Variants in SCN7A observed in about 807,000 individuals in gnomAD.
The protein encoded by SCN7A is sodium channel protein type 7 subunit alpha.
A neutral mutation model predicts 155.2 loss-of-function variants in SCN7A; 138 were observed. That is an observed-to-expected ratio of 0.89 (90% CI 0.77 to 1.02). SCN7A has a LOEUF of 1.02. Ranked by LOEUF, SCN7A falls within the 50% of genes least tolerant of loss-of-function variation. The probability of loss-of-function intolerance (pLI) is 0.00; values close to 1 mark genes in which losing one functional copy is unlikely to be tolerated. For missense variants in SCN7A, 2,058 were observed against 1,986.6 expected, an observed-to-expected ratio of 1.04 and a Z score of -0.68; for synonymous variants, 693 against 649.0, an observed-to-expected ratio of 1.07 and a Z score of -1.03.
intron 7 of SCN7A, among the ~76,000 whole-genome samples, chr2:166,467,911 T>C (rs550991127): frequency 2.6e-4 from 40 of 151,954 alleles, no homozygotes; most frequent in Non-Finnish European, 4.4e-4. Context: ...TTTATTTCTA[T>C]ATTCTCCTTA....
intron 21 of SCN7A, among the ~76,000 whole-genome samples, chr2:166,414,273 TATATATATATATACACACAC>T (rs763808188): frequency 0.29 from 15,259 of 52,674 alleles, 2,438 homozygotes; most frequent in Middle Eastern, 0.41. Flanking sequence ...TACACACACA[TATATATATATATACACACAC>T]ATATATATAT....
Position 166,406,588 on chromosome 2 carries a change from C to A in SCN7A, c.4041G>T (p.Leu1347=), listed in dbSNP as rs1433132902. 1.2e-6 allele frequency: 2 copies of A among 1,612,122 alleles called. No homozygotes were observed. The highest frequency in any genetic ancestry group is 1.3e-5 in the African/African-American group (1 of 74,810). ...SYLVPPSLVQ[L]ILLSRIIHML... ...TGTGAATGATCCGTGAGAGAAGTAT[C>A]AGTTGCACAAGTGAAGGAGGCACAA... The change falls in exon 26 of 26, where the codon CTG becomes CTT. Residue 1347 remains leucine, a synonymous_variant. Coordinates refer to ENST00000643258, the MANE Select transcript of SCN7A (RefSeq NM_002976.4).
chr2:166,450,619 C>A (rs1702157410), intron 11 of SCN7A, among the ~76,000 whole-genome samples: 1 of 151,988 alleles, frequency 6.6e-6, no homozygotes, highest in Non-Finnish European at 1.5e-5. Flanking sequence ...CATGGTGAAA[C>A]CCCGTCTCTA....
chr2:166,450,180 G>A (rs79447127), intron 11 of SCN7A, among the ~76,000 whole-genome samples: 4 of 152,138 alleles, frequency 2.6e-5, no homozygotes, highest in African/African-American at 2.4e-5. Context: ...GACGCAGCTG[G>A]AGTCCATTAT....
At chr2:166,415,409 C>T (rs576021298) in intron 21 of SCN7A, among the ~76,000 whole-genome samples, 3 of 151,768 alleles carry the variant, frequency 2.0e-5, no homozygotes, top group African/African-American at 7.2e-5. Context: ...ATTTTCAGTA[C>T]AGATGGGGTT....
intron 15 of SCN7A, among the ~76,000 whole-genome samples, chr2:166,439,089 T>G (rs1042928070): frequency 3.5e-5 from 4 of 115,132 alleles, no homozygotes; most frequent in African/African-American, 3.8e-5. Context: ...AGCCTCAGTA[T>G]TTCTGCTTCT....
At chr2:166,435,731 G>C (rs1701825707) in intron 15 of SCN7A, among the ~76,000 whole-genome samples, 1 of 152,008 alleles carries the variant, frequency 6.6e-6, no homozygotes, top group African/African-American at 2.4e-5. Context: ...TAACATATGT[G>C]TCTATGATCA....
intron 23 of SCN7A, among the ~76,000 whole-genome samples, chr2:166,411,966 G>A (rs1346395521): frequency 2.0e-5 from 3 of 152,118 alleles, no homozygotes; most frequent in African/African-American, 7.2e-5. Flanking sequence ...AGTCCTTTGC[G>A]TTTGTGGAGG....
chr2:166,449,008 ATAAT>A (rs938970291), intron 11 of SCN7A, among the ~76,000 whole-genome samples: 2 of 152,176 alleles, frequency 1.3e-5, no homozygotes, highest in African/African-American at 4.8e-5. Context: ...ATTCTGTAAG[ATAAT>A]TACTTATTTT....
At chr2:166,477,940 C>G (rs902447985) in intron 2 of SCN7A, among the ~76,000 whole-genome samples, 1 of 151,850 alleles carries the variant, frequency 6.6e-6, no homozygotes, top group Non-Finnish European at 1.5e-5. Context: ...TTTTAACATT[C>G]TTTTACTGAA....
Position 166,413,981 on chromosome 2 carries a change from G to GTGTGTGTA in SCN7A, c.3415-861_3415-860insTACACACA, listed in dbSNP as rs1553513525. ...CCCCTTTATATATATATGTGTATGTGTATATATATATATATATATATAAAT... is the reference window on the plus strand; with the variant it reads ...CCCCTTTATATATATATGTGTATGTGTGTGTGTATATATATATATATATATATATAAAT... On this transcript the variant is annotated intron_variant, in intron 21 of 25. Coordinates refer to ENST00000643258, the MANE Select transcript of SCN7A (RefSeq NM_002976.4). 3.6e-3 allele frequency among the ~76,000 whole-genome samples: 193 copies of GTGTGTGTA among 53,504 alleles called. 9 individuals are homozygous for GTGTGTGTA. In the East Asian group the frequency reaches 0.072, roughly 20 times the overall value. 35.1% of individuals were successfully genotyped at this position (53,504 alleles called of 152,430 possible). A position where few individuals can be genotyped will look rare whatever the true frequency, so the allele number is the denominator to read the frequency against.
In SCN7A at chr2:166,484,457, ACT is replaced by A. The variant is rs548868138; in HGVS notation, c.-15+2397_-15+2398del. 4.7e-3 allele frequency among the ~76,000 whole-genome samples: 716 copies of A among 151,900 alleles called. 5 individuals carry two copies. Among genetic ancestry groups the A allele is most frequent in the African/African-American group, 0.016 (679 of 41,506 alleles). The stretch of plus-strand genomic sequence containing the variant: ...TTATATAAATATATAAATAGCTGAA[ACT>A]CAGAGAAATAAAAGGATTATGTGTA... On this transcript the variant is annotated intron_variant, in intron 2 of 25. Coordinates refer to ENST00000643258, the MANE Select transcript of SCN7A (RefSeq NM_002976.4).
At chr2:166,483,649 A>C (rs750568761) in intron 2 of SCN7A, among the ~76,000 whole-genome samples, 5 of 151,840 alleles carry the variant, frequency 3.3e-5, no homozygotes, top group Non-Finnish European at 7.4e-5. Flanking sequence ...ATTTATCTTT[A>C]ATAATTTAAA....
intron 1 of SCN7A, among the ~76,000 whole-genome samples, chr2:166,487,359 A>C (rs887052976): frequency 2.3e-4 from 35 of 152,260 alleles, no homozygotes; most frequent in African/African-American, 7.9e-4. Context: ...TAGATAATGA[A>C]GGATGGGGAA....
At chr2:166,462,190 A>C in intron 10 of SCN7A, 199 bp downstream of exon 10, 1 of 498,068 alleles carries the variant, frequency 2.0e-6, no homozygotes, top group Non-Finnish European at 3.4e-6. Context: ...AATTGTTTCA[A>C]AGATTAAATA....
In SCN7A at chr2:166,432,429, G is replaced by A. The variant is rs992558361; in HGVS notation, c.2481C>T (p.Ile827=). ...CAGTTTCTGAGACACTAGGACTGGG[G>A]ATAAGTGATTGGCTCTCATTTTCAG... ...NATENESQSL[I]PSPSVSETVP... The change falls in exon 16 of 26, where the codon ATC becomes ATT. Residue 827 remains isoleucine, a synonymous_variant. Transcript: ENST00000643258. 3.7e-6 allele frequency: 6 copies of A among 1,613,428 alleles called. No homozygotes were observed. Among genetic ancestry groups the A allele is most frequent in the African/African-American group, 1.3e-5 (1 of 74,862 alleles).
Position 166,449,742 on chromosome 2 carries a change from A to C in SCN7A, c.1291-2034T>G, listed in dbSNP as rs528779487. Among the ~76,000 whole-genome samples the C allele has an allele frequency of 2.0e-5, 3 of 152,250 alleles. No homozygotes were observed. The South Asian group carries it at 6.2e-4, about 32-fold the overall frequency. ...GAGAAAAGAAAGTCAAAACCACAAT[A>C]AGAAATCATCTCCCACCAGTAAGAA... On this transcript the variant is annotated intron_variant, in intron 11 of 25. Transcript: ENST00000643258.
chr2:166,451,664 T>A (rs1702179441), intron 11 of SCN7A, among the ~76,000 whole-genome samples: 1 of 152,158 alleles, frequency 6.6e-6, no homozygotes, highest in African/African-American at 2.4e-5. Flanking sequence ...CCCTGCCCAC[T>A]CCATCTATTT....
Position 166,432,463 on chromosome 2 carries a change from TTC to T in SCN7A, c.2445_2446del (p.Asn817ArgfsTer3). 6.2e-7 allele frequency: 1 copy of T among 1,613,700 alleles called. No individual in the cohort carries two copies. Among genetic ancestry groups the T allele is most frequent in the Admixed American group, 1.7e-5 (1 of 59,988 alleles). On this transcript the variant is annotated frameshift_variant, in exon 16 of 26. Coordinates refer to ENST00000643258, the MANE Select transcript of SCN7A (RefSeq NM_002976.4). LOFTEE classifies it high-confidence loss of function. ...TTGGCTCTCATTTTCAGTAGCGTTT[TTC>T]TCTGTGCCACTGCTTTTTTCCTTAT... is the stretch of plus-strand genomic sequence containing the variant.
Sources: gnomAD v4.1 joint callset for allele counts (sites outside exome capture counted in the v4.1 genomes callset) on GRCh38, gnomAD v4.1.1 for gene constraint, MANE v1.5 for transcripts, NCBI Gene and HGNC (gene_info 2026-07-23, HGNC 2026-07-21) for gene names.